C4orf54: variants seen among roughly 807,000 people sequenced by gnomAD.
C4orf54 encodes uncharacterized protein C4orf54.
A neutral mutation model predicts 80.1 loss-of-function variants in C4orf54; 67 were observed. The ratio of observed to expected loss-of-function variants is 0.84; its 90% CI spans 0.69 to 1.03. The LOEUF (loss-of-function observed/expected upper bound fraction) is 1.03, where lower values mean the gene tolerates loss of function less well. C4orf54 is among the 50% of genes least tolerant of loss of function. The probability of loss-of-function intolerance (pLI) is 0.00; values close to 1 mark genes in which losing one functional copy is unlikely to be tolerated. For missense variants in C4orf54, 2,434 were observed against 2,253.5 expected (o/e 1.08, Z -1.62); for synonymous variants, 1,000 against 917.0 (o/e 1.09, Z -1.64).
In C4orf54 at chr4:99,653,893, G is replaced by A; in HGVS notation, c.756C>T (p.Leu252=). 1.3e-6 allele frequency: 2 copies of A among 1,536,328 alleles called. No individual in the cohort carries two copies. The highest frequency in any genetic ancestry group is 2.7e-5 in the African/African-American group (2 of 73,162). ...CAGAGGCAGAGTGCTGGGATCTAGA[G>A]AGTTGGGAGGAGGCAGGATTGTTCT... The part of the protein sequence containing the change: ...SPQNNPASSQ[L]SRSQHSASEE... Residue 252 remains leucine (L), a synonymous_variant, in exon 2 of 3, where the codon CTC becomes CTT. Coordinates refer to ENST00000511828, the MANE Select transcript of C4orf54 (RefSeq NM_001354435.2).
intron 2 of C4orf54, among the ~76,000 whole-genome samples, chr4:99,647,321 G>T (rs907407548): frequency 1.3e-5 from 2 of 152,094 alleles, no homozygotes; most frequent in African/African-American, 4.8e-5. Flanking sequence ...CTTGCACAAA[G>T]GCCTCATAGC....
Position 99,651,636 on chromosome 4 carries a change from T to A in C4orf54, c.3013A>T (p.Arg1005Trp). The change falls in exon 2 of 3, where the codon AGG becomes TGG. Residue 1005 changes from arginine to tryptophan, a missense_variant. Physicochemically the swap from Arg to Trp is moderately radical, Grantham distance 101. Coordinates refer to ENST00000511828, the MANE Select transcript of C4orf54 (RefSeq NM_001354435.2). ...IQQTPKDKQP[R>W]KQATKYPAAQ... is the part of the protein sequence containing the mutation. ...GCAGGGTACTTGGTGGCCTGCTTCCTCGGCTGCTTGTCCTTGGGTGTCTGC... is the reference window on the plus strand; with the variant it reads ...GCAGGGTACTTGGTGGCCTGCTTCCACGGCTGCTTGTCCTTGGGTGTCTGC... The A allele has an allele frequency of 6.5e-7, 1 of 1,536,154 alleles. No homozygotes were observed. Among genetic ancestry groups the A allele is most frequent in the Non-Finnish European group, 8.7e-7 (1 of 1,146,906 alleles).
Position 99,653,265 on chromosome 4 carries a change from G to A in C4orf54, c.1384C>T (p.Arg462Cys), listed in dbSNP as rs964672177. 3.3e-6 allele frequency: 5 copies of A among 1,530,228 alleles called. No individual in the cohort carries two copies. The highest frequency in any genetic ancestry group is 1.2e-5 in the South Asian group (1 of 83,400). 94.8% of individuals were successfully genotyped at this position (1,530,228 alleles called of 1,614,324 possible). A position where few individuals can be genotyped will look rare whatever the true frequency, so the allele number is the denominator to read the frequency against. Residue 462 changes from arginine to cysteine, a missense_variant, in exon 2 of 3, where the codon CGC becomes TGC. Arg to Cys is a radical substitution (Grantham distance 180). Transcript: ENST00000511828. ...CCCACTTCGGTGCTGCTGGTGTCGC[G>A]GCCACTGCGGCCTGCATTGGGGCGG... is the stretch of plus-strand genomic sequence containing the variant. The part of the protein sequence containing the change: ...LARPNAGRSG[R>C]DTSSTEVGSG...
At chr4:99,647,849 T>G (rs147596403) in intron 2 of C4orf54, among the ~76,000 whole-genome samples, 25 of 152,334 alleles carry the variant, frequency 1.6e-4, no homozygotes, top group African/African-American at 5.5e-4. Flanking sequence ...CTAAAAAGTT[T>G]GTCATGCCCA....
rs527426372 is a variant in C4orf54, at chr4:99,652,293, C to G, written c.2356G>C (p.Asp786His). The change falls in exon 2 of 3, where the codon GAC (aspartate) becomes CAC (histidine). Residue 786 changes from aspartate to histidine, a missense_variant. Coordinates refer to ENST00000511828, the MANE Select transcript of C4orf54 (RefSeq NM_001354435.2). ...GKGPGSAYTD[D>H]GSETSEGSKP... Reference sequence around the variant, plus strand: ...CTGCCCTCGGAGGTCTCGGAGCCGTCGTCCGTGTATGCCGACCCGGGACCC... The same window carrying G: ...CTGCCCTCGGAGGTCTCGGAGCCGTGGTCCGTGTATGCCGACCCGGGACCC... 2.6e-6 allele frequency: 4 copies of G among 1,535,950 alleles called. No individual in the cohort carries two copies. Among genetic ancestry groups the G allele is most frequent in the Non-Finnish European group, 3.5e-6 (4 of 1,146,828 alleles).
rs1262085637 is a variant in C4orf54, at chr4:99,654,691, G to A, written c.-31-12C>T. On this transcript the variant is annotated splice_polypyrimidine_tract_variant and intron_variant, in intron 1 of 2. Transcript: ENST00000511828. ...GCCTTGTCCCTTTCCTGGATGGGGC[G>A]AGAGAAGGTCACGTCATTCCAGAAA... The A allele has an allele frequency of 1.1e-5, 7 of 658,174 alleles. No homozygotes were observed. The highest frequency in any genetic ancestry group is 8.2e-5 in the East Asian group (3 of 36,536). The allele number at this position is 658,174 out of a possible 1,614,324, so 40.8% of individuals were successfully genotyped here.
In C4orf54 at chr4:99,651,998, G is replaced by T. The variant is rs1344148340; in HGVS notation, c.2651C>A (p.Ala884Glu). 21 of 1,535,990 alleles carry T rather than the reference G, an allele frequency of 1.4e-5. No individual in the cohort carries two copies. The South Asian group carries it at 2.4e-4, about 17-fold the overall frequency. Residue 884 changes from alanine to glutamate, a missense_variant, in exon 2 of 3, where the codon GCG becomes GAG. Physicochemically the swap from Ala to Glu is moderately radical, Grantham distance 107. Coordinates refer to ENST00000511828, the MANE Select transcript of C4orf54 (RefSeq NM_001354435.2). ...SEYTVVSMSD[A>E]GGEGSVAGSK... ...GCCCGCCACGGACCCCTCCCCGCCC[G>T]CGTCGGACATGCTGACCACTGTGTA...
In C4orf54 at chr4:99,650,787, T is replaced by A; in HGVS notation, c.3862A>T (p.Ser1288Cys). Reference protein sequence around the residue: ...KSDPLPMMMDSHVLSLIASEE... With the variant: ...KSDPLPMMMDCHVLSLIASEE... ...CTGGCAATGAGCGACAGCACGTGGC[T>A]GTCCATCATCATAGGCAAGGGGTCG... Residue 1288 changes from serine to cysteine, a missense_variant, in exon 2 of 3, where the codon AGC (serine) becomes TGC (cysteine). Coordinates refer to ENST00000511828, the MANE Select transcript of C4orf54 (RefSeq NM_001354435.2). 1 of 1,536,160 alleles carries A rather than the reference T, an allele frequency of 6.5e-7. No homozygotes were observed. The highest frequency in any genetic ancestry group is 1.2e-5 in the South Asian group (1 of 84,060).
intron 2 of C4orf54, among the ~76,000 whole-genome samples, chr4:99,643,785 CA>C (rs1560634884): frequency 1.1e-4 from 15 of 131,022 alleles, no homozygotes; most frequent in South Asian, 2.3e-4. Context: ...CACACACACA[CA>C]CACACACCCC....
chr4:99,652,084 C>T lies in C4orf54; in HGVS notation c.2565G>A (p.Glu855=). 5.9e-6 allele frequency: 9 copies of T among 1,536,086 alleles called. No individual in the cohort carries two copies. Among genetic ancestry groups the T allele is most frequent in the Non-Finnish European group, 6.1e-6 (7 of 1,146,878 alleles). The stretch of plus-strand genomic sequence containing the variant: ...TCTGCAGGCCCCTCTCTCGCTGCCT[C>T]TCGCTCCCGCGGGCGCCCTCCGTCT... ...SKETEGARGS[E]RQRERGLQRQ... The change falls in exon 2 of 3, where the codon GAG becomes GAA. Residue 855 remains glutamate, a synonymous_variant. Transcript: ENST00000511828.
Position 99,654,219 on chromosome 4 carries a change from T to C in C4orf54, c.430A>G (p.Ile144Val), listed in dbSNP as rs1002957439. 20 of 1,536,068 alleles carry C rather than the reference T, an allele frequency of 1.3e-5. No homozygotes were observed. The African/African-American group carries it at 2.6e-4, about 20-fold the overall frequency. The change falls in exon 2 of 3, where the codon ATA becomes GTA. Residue 144 changes from isoleucine to valine, a missense_variant. By Grantham distance (29) the Ile-to-Val change is conservative. Coordinates refer to ENST00000511828, the MANE Select transcript of C4orf54 (RefSeq NM_001354435.2). ...FLSLKPGQGL[I>V]MEAAPPELNS... Reference sequence around the variant, plus strand: ...AGCTCAGGAGGGGCAGCTTCCATTATGAGCCCTTGCCCAGGTTTCAGCGAC... The same window carrying C: ...AGCTCAGGAGGGGCAGCTTCCATTACGAGCCCTTGCCCAGGTTTCAGCGAC...
At position 99,651,998 on chromosome 4, in the gene C4orf54, G is replaced by A; in HGVS notation, c.2651C>T (p.Ala884Val). 4.6e-6 allele frequency: 7 copies of A among 1,536,108 alleles called. No homozygotes were observed. Among genetic ancestry groups the A allele is most frequent in the Non-Finnish European group, 5.2e-6 (6 of 1,146,894 alleles). ...SEYTVVSMSD[A>V]GGEGSVAGSK... The stretch of plus-strand genomic sequence containing the variant: ...GCCCGCCACGGACCCCTCCCCGCCC[G>A]CGTCGGACATGCTGACCACTGTGTA... Residue 884 changes from alanine to valine, a missense_variant, in exon 2 of 3, where the codon GCG (alanine) becomes GTG (valine). Ala to Val is a moderately conservative substitution (Grantham distance 64, BLOSUM62 0). Coordinates refer to ENST00000511828, the MANE Select transcript of C4orf54 (RefSeq NM_001354435.2).
intron 2 of C4orf54, among the ~76,000 whole-genome samples, chr4:99,643,739 AACACACACAC>A (rs754039570): frequency 0.17 from 17,238 of 98,896 alleles, 1,545 homozygotes; most frequent in East Asian, 0.42. Context: ...CCCAAGCCAC[AACACACACAC>A]ACACACACAC....
chr4:99,649,533 G>T lies in C4orf54; in HGVS notation c.5116C>A (p.Leu1706Ile), dbSNP rs1356609803. 6.5e-7 allele frequency: 1 copy of T among 1,536,064 alleles called. No homozygotes were observed. The highest frequency in any genetic ancestry group is 1.4e-5 in the African/African-American group (1 of 73,050). ...PIARAPRGSE[L>I]SPMVAEPSSK... ...GAAGGTTCTGCCACCATTGGGGAGA[G>T]CTCACTTCCTCTTGGAGCGCGAGCA... is the stretch of plus-strand genomic sequence containing the variant. Residue 1706 changes from leucine to isoleucine, a missense_variant, in exon 2 of 3, where the codon CTC (leucine) becomes ATC (isoleucine). By Grantham distance (5) the Leu-to-Ile change is conservative (BLOSUM62 2). Transcript: ENST00000511828.
chr4:99,655,048 A>G (rs1343286426), intron 1 of C4orf54, among the ~76,000 whole-genome samples: 1 of 152,176 alleles, frequency 6.6e-6, no homozygotes, highest in African/African-American at 2.4e-5. Context: ...GTAGCCTTAT[A>G]TTTGCCTCAA....
chr4:99,646,166 T>C (rs763078766), intron 2 of C4orf54, among the ~76,000 whole-genome samples: 1 of 151,982 alleles, frequency 6.6e-6, no homozygotes, highest in Non-Finnish European at 1.5e-5. Flanking sequence ...GATGATGAAA[T>C]ACTTATTATT....
rs1553930080 is a variant in C4orf54 at position 99,648,554 on chromosome 4, A to AGGGTGT, written c.*36+676_*36+677insACACCC. On this transcript the variant is annotated intron_variant, in intron 2 of 2. Transcript: ENST00000511828. Reference sequence around the variant, plus strand: ...ATCCTCCCTCCCCCATAGAGAACAAAGTGTGTGTGTGTGTGTGTGTGTGTG... The same window carrying AGGGTGT: ...ATCCTCCCTCCCCCATAGAGAACAAAGGGTGTGTGTGTGTGTGTGTGTGTGTGTGTG... Among the ~76,000 whole-genome samples, 127 of 145,836 alleles carry AGGGTGT rather than the reference A, an allele frequency of 8.7e-4. 1 individual carries two copies. Among genetic ancestry groups the AGGGTGT allele is most frequent in the Admixed American group, 2.0e-3 (29 of 14,604 alleles).
chr4:99,656,356 T>A (rs2110259111), intron 1 of C4orf54, among the ~76,000 whole-genome samples: 1 of 152,076 alleles, frequency 6.6e-6, no homozygotes, highest in African/African-American at 2.4e-5. Flanking sequence ...CTTGCCTCAA[T>A]GCAACCTCTG....
chr4:99,653,293 C>A lies in C4orf54; in HGVS notation c.1356G>T (p.Leu452=). ...TRTPSPTSSD[L]ARPNAGRSGR... ...CACTGCGGCCTGCATTGGGGCGGGCCAGGTCGCTGCTTGTAGGGCTGGGCG... is the reference window on the plus strand; with the variant it reads ...CACTGCGGCCTGCATTGGGGCGGGCAAGGTCGCTGCTTGTAGGGCTGGGCG... Residue 452 remains leucine, a synonymous_variant, in exon 2 of 3, where the codon CTG becomes CTT. Coordinates refer to ENST00000511828, the MANE Select transcript of C4orf54 (RefSeq NM_001354435.2). 6.5e-7 allele frequency: 1 copy of A among 1,530,722 alleles called. No homozygotes were observed. The allele number at this position is 1,530,722 out of a possible 1,614,324, so 94.8% of individuals were successfully genotyped here.
Sources: allele counts gnomAD v4.1 joint callset (sites outside exome capture counted in the v4.1 genomes callset), GRCh38; gene constraint gnomAD v4.1.1; transcripts MANE v1.5; gene names NCBI Gene and HGNC (gene_info 2026-07-23, HGNC 2026-07-21).